RMC1: variants seen among roughly 807,000 people sequenced by gnomAD.
The protein encoded by RMC1 is regulator of MON1-CCZ1.
RMC1 carries 44 observed loss-of-function variants against 95.5 expected under a neutral mutation model. That is an observed-to-expected ratio of 0.46 (90% CI 0.36 to 0.59). RMC1 has a LOEUF of 0.59. Among genes scored for constraint, RMC1 ranks in the 20% least tolerant of loss-of-function variants. The probability of loss-of-function intolerance (pLI) is 0.00; values close to 1 mark genes in which losing one functional copy is unlikely to be tolerated. For missense variants in RMC1, 705 were observed against 819.6 expected (o/e 0.86, Z 1.71); for synonymous variants, 320 against 303.6 (o/e 1.05, Z -0.56).
intron 2 of RMC1, among the ~76,000 whole-genome samples, chr18:23,505,583 A>G (rs2057693782): frequency 6.6e-6 from 1 of 152,278 alleles, no homozygotes; most frequent in Non-Finnish European, 1.5e-5. Context: ...TGATCATGTC[A>G]GTGTTTGGCA....
Position 23,526,736 on chromosome 18 carries a change from A to T in RMC1, c.1160A>T (p.Lys387Met). ...TTTCTCCTCCAGAGAAAGGAATGCAAGATGGTCATCCTGTCTGTCTGTTCA... is the reference window on the plus strand; with the variant it reads ...TTTCTCCTCCAGAGAAAGGAATGCATGATGGTCATCCTGTCTGTCTGTTCA... ...MDFLLQRKEC[K>M]MVILSVCSQM... Residue 387 changes from lysine to methionine, a missense_variant, in exon 13 of 20, where the codon AAG becomes ATG. Lys to Met is a moderately conservative substitution (Grantham distance 95). Coordinates refer to ENST00000269221, the MANE Select transcript of RMC1 (RefSeq NM_013326.5). 6.2e-7 allele frequency: 1 copy of T among 1,614,162 alleles called. No homozygotes were observed. The highest frequency in any genetic ancestry group is 1.1e-5 in the South Asian group (1 of 91,084).
intron 13 of RMC1, among the ~76,000 whole-genome samples, chr18:23,527,223 CAA>C (rs386387173): frequency 0.022 from 977 of 43,602 alleles, 6 homozygotes; most frequent in African/African-American, 0.059. Flanking sequence ...CCTGTCTCTA[CAA>C]AAAAAAAAAA....
rs1251850468 is a variant in RMC1 at position 23,529,240 on chromosome 18, C to T, written c.1358C>T (p.Ala453Val). ...PLLKRPVRTQAVLDQSDVYTH... is the reference protein window; with the variant it reads ...PLLKRPVRTQVVLDQSDVYTH... ...CTCAAGAGGCCGGTGCGGACCCAGG[C>T]GGTGCTGGACCAGTCAGATGTGTAC... Residue 453 changes from alanine (A) to valine (V), a missense_variant, in exon 15 of 20, where the codon GCG (alanine) becomes GTG (valine). Coordinates refer to ENST00000269221, the MANE Select transcript of RMC1 (RefSeq NM_013326.5). 8.1e-6 allele frequency: 13 copies of T among 1,613,926 alleles called. No homozygotes were observed. The highest frequency in any genetic ancestry group is 2.2e-5 in the East Asian group (1 of 44,898).
At chr18:23,512,408 CTCTTAAAATTT>C (rs1332653283) in intron 5 of RMC1, among the ~76,000 whole-genome samples, 1 of 151,946 alleles carries the variant, frequency 6.6e-6, no homozygotes, top group Non-Finnish European at 1.5e-5. Flanking sequence ...TGTTAACTTC[CTCTTAAAATTT>C]TTTTATTTTG....
chr18:23,513,660 A>C (rs1341705329), intron 5 of RMC1, among the ~76,000 whole-genome samples: 1 of 152,224 alleles, frequency 6.6e-6, no homozygotes, highest in Non-Finnish European at 1.5e-5. Context: ...CAATCCCTCC[A>C]AGTGTACAAG....
At chr18:23,527,093 C>A (rs1007728092) in intron 13 of RMC1, among the ~76,000 whole-genome samples, 3 of 152,018 alleles carry the variant, frequency 2.0e-5, no homozygotes, top group African/African-American at 7.2e-5. Flanking sequence ...TTTAAGAATC[C>A]CCTACTGAGG....
At chr18:23,511,464 T>C (rs1297168870) in intron 5 of RMC1, among the ~76,000 whole-genome samples, 1 of 152,188 alleles carries the variant, frequency 6.6e-6, no homozygotes, top group Non-Finnish European at 1.5e-5. Flanking sequence ...CATCTATCCC[T>C]GAACCTAAAA....
At chr18:23,526,431 G>A (rs1393229769) in intron 12 of RMC1, among the ~76,000 whole-genome samples, 1 of 152,176 alleles carries the variant, frequency 6.6e-6, no homozygotes, top group Non-Finnish European at 1.5e-5. Flanking sequence ...TGGTTGGGCT[G>A]TCATCCTCCT....
At chr18:23,515,721 T>A in intron 5 of RMC1, 135 bp from the exon 6 acceptor site, 4 of 951,654 alleles carry the variant, frequency 4.2e-6, no homozygotes, top group South Asian at 3.1e-5. Context: ...TTAGTAGAGA[T>A]GGGGTTTTAC....
Position 23,530,414 on chromosome 18 carries a change from G to C in RMC1, c.1696G>C (p.Val566Leu). 1 of 1,614,222 alleles carries C rather than the reference G, an allele frequency of 6.2e-7. No homozygotes were observed. The change falls in exon 19 of 20, where the codon GTA becomes CTA. Residue 566 changes from valine to leucine, a missense_variant. By Grantham distance (32) the Val-to-Leu change is conservative. Coordinates refer to ENST00000269221, the MANE Select transcript of RMC1 (RefSeq NM_013326.5). ...ACTTTCAACAGCAAATGATGAAATA[G>C]TAGAAGTTCTCCTTTCCAAACACCA... The part of the protein sequence containing the change: ...KRLSTANDEI[V>L]EVLLSKHQVL...
At chr18:23,508,230 G>C (rs2057761914) in intron 4 of RMC1, among the ~76,000 whole-genome samples, 189 bp downstream of exon 4, 1 of 152,148 alleles carries the variant, frequency 6.6e-6, no homozygotes, top group South Asian at 2.1e-4. Context: ...AAGTTTGAAA[G>C]CTTGTTCCTT....
rs191749990 is a variant in RMC1, at chr18:23,518,173, C to T, written c.654-717C>T. Reference sequence around the variant, plus strand: ...AGAATATGCATTCAGGAACTGTTCACAGCAACATTTATTAGATGGCACTTA... The same window carrying T: ...AGAATATGCATTCAGGAACTGTTCATAGCAACATTTATTAGATGGCACTTA... On this transcript the variant is annotated intron_variant, in intron 7 of 19. Coordinates refer to ENST00000269221, the MANE Select transcript of RMC1 (RefSeq NM_013326.5). Among the ~76,000 whole-genome samples, 13 of 152,332 alleles carry T rather than the reference C, an allele frequency of 8.5e-5. 1 individual carries two copies. Among genetic ancestry groups the T allele is most frequent in the Admixed American group, 7.2e-4 (11 of 15,292 alleles).
At chr18:23,531,388 T>C (rs1350756492) in intron 19 of RMC1, 1 of 702,866 alleles carries the variant, frequency 1.4e-6, no homozygotes, top group African/African-American at 1.8e-5. Flanking sequence ...CTAGGTCTAT[T>C]TCTAGCTCAA....
At chr18:23,515,824 A>G in intron 5 of RMC1, 32 bp from the exon 6 acceptor site, 1 of 1,612,998 alleles carries the variant, frequency 6.2e-7, no homozygotes, top group South Asian at 1.1e-5. Flanking sequence ...CGTTTTTTAA[A>G]TGAAGATCCT....
intron 2 of RMC1, among the ~76,000 whole-genome samples, chr18:23,505,057 T>C (rs1254382434): frequency 6.6e-6 from 1 of 152,116 alleles, no homozygotes; most frequent in Non-Finnish European, 1.5e-5. Flanking sequence ...TCTGTGTTAA[T>C]GAGAAACTGT....
intron 5 of RMC1, among the ~76,000 whole-genome samples, chr18:23,514,779 A>G (rs972470498): frequency 2.6e-5 from 4 of 152,162 alleles, no homozygotes; most frequent in African/African-American, 4.8e-5. Flanking sequence ...GATCTTCAAG[A>G]AAAAAGTTAA....
At chr18:23,508,466 T>TA (rs1186222211) in intron 4 of RMC1, among the ~76,000 whole-genome samples, 4 of 152,222 alleles carry the variant, frequency 2.6e-5, no homozygotes, top group African/African-American at 9.6e-5. Flanking sequence ...GTCTTGTCCT[T>TA]ACTCTTTCTT....
rs752038856 is a variant in RMC1 at position 23,529,189 on chromosome 18, C to G, written c.1307C>G (p.Ala436Gly). The G allele has an allele frequency of 1.2e-6, 2 of 1,611,848 alleles. No homozygotes were observed. The highest frequency in any genetic ancestry group is 1.1e-5 in the South Asian group (1 of 90,786). Reference sequence around the variant, plus strand: ...GTTTTTTTCTTTCAGGCGGTGGAAGCAGGGCAGAGCCGAAGCAGCCCGCTC... The same window carrying G: ...GTTTTTTTCTTTCAGGCGGTGGAAGGAGGGCAGAGCCGAAGCAGCCCGCTC... ...AEQSYAMAVE[A>G]GQSRSSPLLK... Residue 436 changes from alanine (A) to glycine (G), a missense_variant, in exon 15 of 20, where the codon GCA (alanine) becomes GGA (glycine). By Grantham distance (60) the Ala-to-Gly change is moderately conservative (BLOSUM62 0). Transcript: ENST00000269221.
chr18:23,515,351 G>GC (rs1185771005), intron 5 of RMC1, among the ~76,000 whole-genome samples: 1 of 152,182 alleles, frequency 6.6e-6, no homozygotes, highest in Non-Finnish European at 1.5e-5. Context: ...AGTGATGCCT[G>GC]CCTCTCAGTC....
Sources: allele counts gnomAD v4.1 joint callset (sites outside exome capture counted in the v4.1 genomes callset), GRCh38; gene constraint gnomAD v4.1.1; transcripts MANE v1.5; gene names NCBI Gene and HGNC (gene_info 2026-07-23, HGNC 2026-07-21).